Variants in SYT14 observed in about 807,000 individuals in gnomAD.
SYT14 encodes the protein synaptotagmin-14.
Under a neutral mutation model 74.2 loss-of-function variants are expected in SYT14, and 32 were observed. The observed-to-expected ratio is 0.43, with a 90% CI of 0.33 to 0.58. SYT14 has a LOEUF of 0.58. SYT14 is among the 20% of genes least tolerant of loss of function. SYT14 has a pLI of 0.05. For synonymous variants in SYT14, 298 were observed against 337.7 expected (o/e 0.88, Z 1.29); for missense variants, 791 against 981.8 (o/e 0.81, Z 2.60).
chr1:210,105,046 C>T (rs111410307), intron 7 of SYT14, among the ~76,000 whole-genome samples: 6 of 152,022 alleles, frequency 3.9e-5, no homozygotes, highest in East Asian at 3.9e-4. Context: ...AAATGGTTCT[C>T]GAAGTATGAT....
intron 7 of SYT14, among the ~76,000 whole-genome samples, chr1:210,119,782 G>A (rs934211478): frequency 1.3e-5 from 2 of 152,162 alleles, no homozygotes; most frequent in Non-Finnish European, 2.9e-5. Context: ...ATTATGCAAA[G>A]ATGTTCTGGT....
intron 7 of SYT14, among the ~76,000 whole-genome samples, chr1:210,148,245 A>T (rs1277665681): frequency 6.6e-6 from 1 of 152,204 alleles, no homozygotes; most frequent in African/African-American, 2.4e-5. Flanking sequence ...GCGGTGGCTC[A>T]TGCCTGTAAT....
At chr1:209,951,198 A>G (rs1047116369) in intron 1 of SYT14, among the ~76,000 whole-genome samples, 4 of 152,182 alleles carry the variant, frequency 2.6e-5, no homozygotes, top group Non-Finnish European at 5.9e-5. Flanking sequence ...TGTAGTCACC[A>G]TGCTGTGCAG....
intron 2 of SYT14, among the ~76,000 whole-genome samples, chr1:209,954,782 T>C (rs10779516): frequency 0.66 from 99,618 of 151,352 alleles, 33,791 homozygotes; most frequent in East Asian, 0.85. Flanking sequence ...CTTGGCCCAC[T>C]GCAACCTCTG....
chr1:209,948,224 C>T (rs1204931220), intron 1 of SYT14, among the ~76,000 whole-genome samples: 1 of 152,196 alleles, frequency 6.6e-6, no homozygotes, highest in Non-Finnish European at 1.5e-5. Context: ...TACATATTTT[C>T]CTTCTGTAAA....
At chr1:210,141,857 A>G (rs1242570771) in intron 7 of SYT14, among the ~76,000 whole-genome samples, 2 of 152,224 alleles carry the variant, frequency 1.3e-5, no homozygotes, top group Admixed American at 6.5e-5. Flanking sequence ...GGGCATGCAC[A>G]TAGCTTTGCA....
intron 2 of SYT14, among the ~76,000 whole-genome samples, chr1:209,991,742 A>T (rs1188797765): frequency 2.0e-5 from 3 of 152,092 alleles, no homozygotes; most frequent in Non-Finnish European, 2.9e-5. Flanking sequence ...AGGCATGAGA[A>T]TCGCTTGAAC....
intron 1 of SYT14, among the ~76,000 whole-genome samples, chr1:209,947,628 T>C (rs2102661886): frequency 6.6e-6 from 1 of 152,344 alleles, no homozygotes; most frequent in East Asian, 1.9e-4. Flanking sequence ...AATATACTAC[T>C]GGTGAAGCTG....
At chr1:209,982,152 AATTATT>A (rs769085245) in intron 2 of SYT14, among the ~76,000 whole-genome samples, 1 of 151,642 alleles carries the variant, frequency 6.6e-6, no homozygotes, top group Non-Finnish European at 1.5e-5. Context: ...CTTGTTTATT[AATTATT>A]ATTATTATTA....
intron 1 of SYT14, among the ~76,000 whole-genome samples, chr1:209,948,604 G>A (rs2078859479): frequency 6.6e-6 from 1 of 152,118 alleles, no homozygotes; most frequent in Non-Finnish European, 1.5e-5. Context: ...TTACCTTAAA[G>A]GATTGGAAAA....
intron 5 of SYT14, among the ~76,000 whole-genome samples, chr1:210,065,689 A>G (rs919538075): frequency 2.3e-4 from 35 of 152,056 alleles, no homozygotes; most frequent in African/African-American, 8.0e-4. Context: ...TTCATTTTCA[A>G]TGAAATGTAT....
At chr1:210,082,778 C>A (rs535642065) in intron 5 of SYT14, among the ~76,000 whole-genome samples, 128 of 152,216 alleles carry the variant, frequency 8.4e-4, no homozygotes, top group Non-Finnish European at 1.0e-3. Context: ...TAATAGTAGA[C>A]CAAGAGCTGT....
At position 210,025,157 on chromosome 1, in the gene SYT14, A is replaced by G. The variant is rs76849418; in HGVS notation, c.1312+3903A>G. Among the ~76,000 whole-genome samples, 132 of 152,128 alleles carry G rather than the reference A, an allele frequency of 8.7e-4. 1 individual carries two copies. Among genetic ancestry groups the G allele is most frequent in the Non-Finnish European group, 1.7e-3 (115 of 67,980 alleles). ...CCACCCACTGATACTCTCCTCTGGT[A>G]TATATTTGGGAAGGAAGGGGATTTG... On this transcript the variant is annotated intron_variant, in intron 5 of 9. Coordinates refer to ENST00000637265, the Ensembl canonical transcript of SYT14.
chr1:210,038,152 T>G (rs1558146472), intron 5 of SYT14, among the ~76,000 whole-genome samples: 2 of 152,084 alleles, frequency 1.3e-5, no homozygotes, highest in Admixed American at 1.3e-4. Context: ...AATTGACCGC[T>G]TTATCATTGT....
At chr1:210,048,212 A>G (rs2102367696) in intron 5 of SYT14, among the ~76,000 whole-genome samples, 1 of 152,104 alleles carries the variant, frequency 6.6e-6, no homozygotes, top group East Asian at 1.9e-4. Flanking sequence ...GTCATTTTTT[A>G]TTTGGATCCC....
At chr1:209,949,815 T>G (rs968718502) in intron 1 of SYT14, among the ~76,000 whole-genome samples, 2 of 152,170 alleles carry the variant, frequency 1.3e-5, no homozygotes, top group African/African-American at 2.4e-5. Context: ...CCAAGAAAGG[T>G]CATGCATAGT....
chr1:209,949,830 T>C (rs752661872), intron 1 of SYT14, among the ~76,000 whole-genome samples: 22 of 152,314 alleles, frequency 1.4e-4, no homozygotes, highest in Non-Finnish European at 2.9e-4. Context: ...CATAGTCTTA[T>C]TTGCTTGTTT....
chr1:209,949,402 G>A (rs1224680369), intron 1 of SYT14, among the ~76,000 whole-genome samples: 3 of 151,866 alleles, frequency 2.0e-5, no homozygotes, highest in Non-Finnish European at 2.9e-5. Flanking sequence ...GTGAAACCCC[G>A]CCTCTACTAA....
intron 2 of SYT14, among the ~76,000 whole-genome samples, chr1:210,001,295 CTT>C (rs952669172): frequency 2.7e-5 from 4 of 147,898 alleles, no homozygotes; most frequent in Admixed American, 2.7e-4. Flanking sequence ...TTCTTAATAA[CTT>C]TTTTTTTTGC....
Sources: allele counts gnomAD v4.1 joint callset (sites outside exome capture counted in the v4.1 genomes callset), GRCh38; gene constraint gnomAD v4.1.1; transcripts MANE v1.5; gene names NCBI Gene and HGNC (gene_info 2026-07-23, HGNC 2026-07-21).